RASGRP3: variants seen among roughly 807,000 people sequenced by gnomAD.
The protein encoded by RASGRP3 is RAS guanyl releasing protein 3.
In RASGRP3, 54 loss-of-function variants were observed where a neutral mutation model predicts 82.7. The observed-to-expected ratio is 0.65, with a 90% CI of 0.52 to 0.82. RASGRP3 has a LOEUF of 0.82. RASGRP3 is among the 40% of genes least tolerant of loss of function. RASGRP3 has a pLI of 0.00. For missense variants in RASGRP3, 861 were observed against 828.9 expected, an observed-to-expected ratio of 1.04 and a Z score of -0.48; for synonymous variants, 309 against 300.5, an observed-to-expected ratio of 1.03 and a Z score of -0.29.
intron 1 of RASGRP3, among the ~76,000 whole-genome samples, chr2:33,438,314 G>A (rs953164359): frequency 2.0e-5 from 3 of 152,230 alleles, no homozygotes; most frequent in African/African-American, 7.2e-5. Context: ...TGTAATCCCA[G>A]CACTTTGGGA....
intron 1 of RASGRP3, among the ~76,000 whole-genome samples, chr2:33,502,501 C>CTTTTT (rs3083004): frequency 7.4e-6 from 1 of 135,752 alleles, no homozygotes; most frequent in African/African-American, 2.8e-5. Flanking sequence ...TTTTTTCTTT[C>CTTTTT]TTTTTTTTTT....
rs78456890 is a variant in RASGRP3, at chr2:33,457,807, C to T, written c.-261+9864C>T. ...GGTGGGCAGTGTTCTTAACCCTCAC[C>T]ACACTACCTCTCCTACTACTTCAGA... On this transcript the variant is annotated intron_variant, in intron 2 of 18. Coordinates refer to the RASGRP3 transcript ENST00000402538. Among the ~76,000 whole-genome samples, 1,484 of 152,248 alleles carry T rather than the reference C, an allele frequency of 9.7e-3. 22 individuals carry two copies. Among genetic ancestry groups the T allele is most frequent in the African/African-American group, 0.035 (1,446 of 41,538 alleles).
intron 2 of RASGRP3, among the ~76,000 whole-genome samples, chr2:33,514,455 A>C (rs1256564112): frequency 7.4e-6 from 1 of 135,796 alleles, no homozygotes; most frequent in African/African-American, 2.8e-5. Flanking sequence ...GATTGCTTGA[A>C]CTCAGGAGTT....
At chr2:33,528,280 T>C (rs1490861894) in intron 10 of RASGRP3, among the ~76,000 whole-genome samples, 2 of 152,262 alleles carry the variant, frequency 1.3e-5, no homozygotes, top group Non-Finnish European at 2.9e-5. Flanking sequence ...AACTGCATGC[T>C]GTATTTAGGA....
At chr2:33,472,510 G>T (rs1446274660), upstream of RASGRP3, among the ~76,000 whole-genome samples, 1 of 152,170 alleles carries the variant, frequency 6.6e-6, no homozygotes, top group African/African-American at 2.4e-5. Flanking sequence ...CATATGAGGG[G>T]CGGTAAGAGT....
chr2:33,543,049 G>T (rs78539363), intron 12 of RASGRP3, among the ~76,000 whole-genome samples: 10,038 of 151,804 alleles, frequency 0.066, 389 homozygotes, highest in African/African-American at 0.094. Flanking sequence ...TGCCTTACTC[G>T]TTTGCCCAGG....
At chr2:33,471,858 A>T (rs1558413467), upstream of RASGRP3, among the ~76,000 whole-genome samples, 1 of 151,472 alleles carries the variant, frequency 6.6e-6, no homozygotes, top group Non-Finnish European at 1.5e-5. Flanking sequence ...CTAAGCATTC[A>T]TTCTGTAATT....
At chr2:33,520,374 G>A (rs1292850034) in intron 5 of RASGRP3, among the ~76,000 whole-genome samples, 179 bp from the exon 6 acceptor site, 2 of 152,184 alleles carry the variant, frequency 1.3e-5, no homozygotes, top group Non-Finnish European at 2.9e-5. Context: ...ATTGAAGGAG[G>A]GCAGAGAGAG....
upstream of RASGRP3, among the ~76,000 whole-genome samples, chr2:33,472,870 C>CAAA (rs57159320): frequency 5.1e-3 from 349 of 68,076 alleles, 4 homozygotes; most frequent in African/African-American, 0.017. Context: ...GACTCCGTCT[C>CAAA]AAAAAAAAAA....
intron 1 of RASGRP3, among the ~76,000 whole-genome samples, chr2:33,437,589 G>A (rs1664993465): frequency 6.6e-6 from 1 of 152,170 alleles, no homozygotes; most frequent in African/African-American, 2.4e-5. Context: ...GGGATGTTTA[G>A]AATCTGTCCC....
chr2:33,560,815 T>C (rs895811046), intron 17 of RASGRP3, among the ~76,000 whole-genome samples: 2 of 152,208 alleles, frequency 1.3e-5, no homozygotes, highest in African/African-American at 2.4e-5. Context: ...AATAGTGAAA[T>C]TGGCCATGAG....
intron 17 of RASGRP3, 106 bp downstream of exon 17, chr2:33,559,136 G>T: frequency 1.1e-6 from 1 of 891,196 alleles, no homozygotes; most frequent in Non-Finnish European, 1.7e-6. Flanking sequence ...TCTGAAAGCA[G>T]AATGGTTGGG....
chr2:33,527,104 G>T lies in RASGRP3; in HGVS notation c.808-33G>T, dbSNP rs186228836. ...CCGGGGGTGTGCAGGAGGGAAAGTT[G>T]TTTGAAAATTCTACTTTTCCATCTG... On this transcript the variant is annotated intron_variant, in intron 9 of 17. Transcript: ENST00000403687. The T allele has an allele frequency of 1.4e-4, 233 of 1,609,754 alleles. No individual in the cohort carries two copies. The East Asian group carries it at 4.3e-3, about 30-fold the overall frequency.
chr2:33,549,762 T>C lies in RASGRP3; in HGVS notation c.1542+11T>C. 6.2e-7 allele frequency: 1 copy of C among 1,610,380 alleles called. No individual in the cohort carries two copies. Among genetic ancestry groups the C allele is most frequent in the Non-Finnish European group, 8.5e-7 (1 of 1,178,394 alleles). ...CACTGTGCGGGATTTGTAAGTCTGT[T>C]TTCCGTTGTTTTCTTATGTGTGTAG... On this transcript the variant is annotated intron_variant, in intron 14 of 17. Transcript: ENST00000403687.
chr2:33,538,762 G>A (rs1213666694), intron 11 of RASGRP3, among the ~76,000 whole-genome samples: 1 of 152,136 alleles, frequency 6.6e-6, no homozygotes, highest in Non-Finnish European at 1.5e-5. Flanking sequence ...AATATGGCCA[G>A]GCGTGGTAGC....
chr2:33,499,828 A>G (rs1224204533), intron 1 of RASGRP3, among the ~76,000 whole-genome samples: 1 of 152,170 alleles, frequency 6.6e-6, no homozygotes, highest in African/African-American at 2.4e-5. Context: ...TGAAGTGTAC[A>G]GACCATGTCA....
chr2:33,439,997 T>C (rs892455057), intron 1 of RASGRP3, among the ~76,000 whole-genome samples: 2 of 151,962 alleles, frequency 1.3e-5, no homozygotes, highest in African/African-American at 4.8e-5. Context: ...GCAAACTAAT[T>C]GGGTATGGTT....
chr2:33,548,939 T>G (rs536278848), intron 13 of RASGRP3, among the ~76,000 whole-genome samples: 1 of 152,262 alleles, frequency 6.6e-6, no homozygotes, highest in African/African-American at 2.4e-5. Flanking sequence ...TCCGCCCACC[T>G]TGGCCTCCCA....
chr2:33,525,467 G>A (rs1672451894), intron 9 of RASGRP3, among the ~76,000 whole-genome samples: 2 of 151,832 alleles, frequency 1.3e-5, no homozygotes, highest in South Asian at 4.2e-4. Flanking sequence ...CTTATGAAAA[G>A]ATTCTCATAT....
Sources: allele counts gnomAD v4.1 joint callset (sites outside exome capture counted in the v4.1 genomes callset), GRCh38; gene constraint gnomAD v4.1.1; transcripts MANE v1.5; gene names NCBI Gene and HGNC (gene_info 2026-07-23, HGNC 2026-07-21).